The following SCN11A variants were observed in gnomAD, a reference collection of about 807,000 sequenced individuals.
The protein encoded by SCN11A is sodium voltage-gated channel alpha subunit 11.
SCN11A carries 122 observed loss-of-function variants against 162.2 expected under a neutral mutation model. The ratio of observed to expected loss-of-function variants is 0.75; its 90% confidence interval spans 0.65 to 0.87. The LOEUF is 0.87. Among genes scored for constraint, SCN11A ranks in the 40% least tolerant of loss-of-function variants. The pLI is 0.00. For synonymous variants in SCN11A, 758 were observed against 751.5 expected (o/e 1.01, Z -0.14); for missense variants, 2,015 against 2,181.6 (o/e 0.92, Z 1.52).
chr3:38,863,903 AT>A (rs1200177096), intron 27 of SCN11A, among the ~76,000 whole-genome samples: 2 of 152,262 alleles, frequency 1.3e-5, no homozygotes, highest in East Asian at 3.9e-4. Flanking sequence ...CTGAACTGGC[AT>A]AAAAGTAAGA....
chr3:39,005,386 C>T (rs1210195289), intron 2 of SCN11A, among the ~76,000 whole-genome samples: 1 of 152,216 alleles, frequency 6.6e-6, no homozygotes, highest in Non-Finnish European at 1.5e-5. Flanking sequence ...AGGATCTCCC[C>T]AGACATTGGC....
chr3:39,028,381 T>C (rs2031644072), intron 2 of SCN11A, among the ~76,000 whole-genome samples: 2 of 152,242 alleles, frequency 1.3e-5, no homozygotes, highest in Admixed American at 1.3e-4. Flanking sequence ...TTAAACCTGC[T>C]AGATGCTTAT....
intron 7 of SCN11A, 91 bp from the exon 8 acceptor site, chr3:38,927,022 T>C (rs2066154126): frequency 7.8e-7 from 1 of 1,285,760 alleles, no homozygotes; most frequent in Non-Finnish European, 1.1e-6. Context: ...TGATTTTTTT[T>C]TCCATTTCAA....
intron 10 of SCN11A, among the ~76,000 whole-genome samples, chr3:38,920,299 C>A (rs1388531552): frequency 2.0e-5 from 3 of 152,086 alleles, no homozygotes; most frequent in Admixed American, 6.5e-5. Flanking sequence ...GGACACAGAC[C>A]CATCCCATGA....
intron 1 of SCN11A, among the ~76,000 whole-genome samples, chr3:39,036,861 T>C (rs1412398752): frequency 6.6e-6 from 1 of 152,218 alleles, no homozygotes; most frequent in Non-Finnish European, 1.5e-5. Flanking sequence ...GGAACCCTCA[T>C]ATACTGTTAG....
chr3:39,029,905 G>C (rs1057432336), intron 2 of SCN11A, among the ~76,000 whole-genome samples: 1 of 152,176 alleles, frequency 6.6e-6, no homozygotes, highest in Non-Finnish European at 1.5e-5. Context: ...GAGATTACTA[G>C]GAAAAGAATT....
chr3:38,897,733 G>C (rs2065630227), intron 17 of SCN11A, among the ~76,000 whole-genome samples: 1 of 149,800 alleles, frequency 6.7e-6, no homozygotes, highest in African/African-American at 2.5e-5. Context: ...AAAAAAAAAA[G>C]GAAATATTTT....
At chr3:39,002,900 CCAA>C (rs2030859809) in intron 2 of SCN11A, among the ~76,000 whole-genome samples, 1 of 151,994 alleles carries the variant, frequency 6.6e-6, no homozygotes, top group South Asian at 2.1e-4. Flanking sequence ...TCTAAATCAG[CCAA>C]CAAGATCATG....
chr3:38,909,583 CTTT>C (rs57060960), intron 12 of SCN11A, among the ~76,000 whole-genome samples: 10 of 133,468 alleles, frequency 7.5e-5, no homozygotes, highest in South Asian at 2.4e-4. Flanking sequence ...CTTGAAGTTT[CTTT>C]TTTTTTTTTT....
intron 1 of SCN11A, among the ~76,000 whole-genome samples, chr3:39,050,262 T>C (rs2032296829): frequency 6.6e-6 from 1 of 152,148 alleles, no homozygotes; most frequent in South Asian, 2.1e-4. Flanking sequence ...CTGTTCCCTC[T>C]CCTTGCCTAG....
intron 7 of SCN11A, among the ~76,000 whole-genome samples, chr3:38,940,595 G>A (rs1373050451): frequency 6.6e-6 from 1 of 152,096 alleles, no homozygotes; most frequent in East Asian, 1.9e-4. Flanking sequence ...TGGGACAAAT[G>A]GATAGACATC....
At chr3:39,014,171 C>G (rs530095870) in intron 2 of SCN11A, among the ~76,000 whole-genome samples, 97 of 152,320 alleles carry the variant, frequency 6.4e-4, no homozygotes, top group African/African-American at 2.3e-3. Flanking sequence ...ACCTCTTCCA[C>G]ACTGACCTTT....
intron 5 of SCN11A, 49 bp from the exon 6 acceptor site, chr3:38,946,956 G>A (rs747607869): frequency 6.8e-6 from 7 of 1,035,030 alleles, no homozygotes; most frequent in Non-Finnish European, 1.0e-5. Context: ...TACACAACAG[G>A]AATTAAATGC....
At chr3:38,869,163 AG>A (rs1436107203) in intron 26 of SCN11A, among the ~76,000 whole-genome samples, 1 of 152,102 alleles carries the variant, frequency 6.6e-6, no homozygotes. Flanking sequence ...GCATCAAAAC[AG>A]GCACCCCTCC....
intron 1 of SCN11A, among the ~76,000 whole-genome samples, chr3:39,050,018 G>A (rs1160431447): frequency 2.0e-5 from 3 of 152,172 alleles, no homozygotes; most frequent in Non-Finnish European, 4.4e-5. Context: ...ATTGTCCAGA[G>A]CAACATACCT....
At chr3:38,873,222 T>C (rs1310365639) in intron 23 of SCN11A, among the ~76,000 whole-genome samples, 1 of 152,194 alleles carries the variant, frequency 6.6e-6, no homozygotes, top group Admixed American at 6.6e-5. Context: ...TGAATCTGCT[T>C]GCTGCAGATC....
At chr3:38,908,255 C>A in intron 13 of SCN11A, 133 bp from the exon 14 acceptor site, 1 of 730,164 alleles carries the variant, frequency 1.4e-6, no homozygotes, top group Non-Finnish European at 2.3e-6. Flanking sequence ...CATCATCTAC[C>A]TGGACTACGC....
rs563520775 is a variant in SCN11A, at chr3:38,936,834, C to G, written c.488+8577G>C. ...TAGATTCAATGCCATCCCCATCAAGCTACCAATGACTTTCTTCACAGAATA... is the reference window on the plus strand; with the variant it reads ...TAGATTCAATGCCATCCCCATCAAGGTACCAATGACTTTCTTCACAGAATA... On this transcript the variant is annotated intron_variant, in intron 7 of 29. Transcript: ENST00000302328. Among the ~76,000 whole-genome samples the G allele has an allele frequency of 3.9e-5, 6 of 152,304 alleles. No homozygotes were observed. The East Asian group carries it at 7.7e-4, about 20-fold the overall frequency.
intron 1 of SCN11A, among the ~76,000 whole-genome samples, chr3:39,039,123 T>C (rs939819044): frequency 6.6e-6 from 1 of 152,208 alleles, no homozygotes; most frequent in East Asian, 1.9e-4. Context: ...GCTTATCCAA[T>C]GATAGATGAC....
Sources: gnomAD v4.1 joint callset for allele counts (sites outside exome capture counted in the v4.1 genomes callset) on GRCh38, gnomAD v4.1.1 for gene constraint, MANE v1.5 for transcripts, NCBI Gene and HGNC (gene_info 2026-07-23, HGNC 2026-07-21) for gene names.